C3orf20: variants seen among roughly 807,000 people sequenced by gnomAD.
C3orf20 encodes uncharacterized protein C3orf20.
Under a neutral mutation model 88.3 loss-of-function variants are expected in C3orf20, and 76 were observed. The ratio of observed to expected loss-of-function variants is 0.86; its 90% confidence interval spans 0.72 to 1.04. C3orf20 has a LOEUF of 1.04. C3orf20 is among the 50% of genes least tolerant of loss of function. The probability of loss-of-function intolerance (pLI) is 0.00; values close to 1 mark genes in which losing one functional copy is unlikely to be tolerated. For missense variants in C3orf20, 1,056 were observed against 1,123.3 expected (o/e 0.94, Z 0.86); for synonymous variants, 436 against 437.4 (o/e 1.00, Z 0.04).
intron 10 of C3orf20, among the ~76,000 whole-genome samples, chr3:14,723,534 C>A (rs2034238598): frequency 1.3e-5 from 2 of 152,220 alleles, no homozygotes; most frequent in African/African-American, 4.8e-5. Context: ...AAAGCATGGG[C>A]ACCAATGATC....
At position 14,690,067 on chromosome 3, in the gene C3orf20, C is replaced by G; in HGVS notation, c.696C>G (p.Ala232=). ...AGCTGATCTACCACTCTTCCACAGC[C>G]TGTCTGAGCTTTTCTCTCTCTGCTG... is the stretch of plus-strand genomic sequence containing the variant. The part of the protein sequence containing the change: ...PYQLIYHSST[A]CLSFSLSAGK... The change falls in exon 5 of 17, where the codon GCC becomes GCG. Residue 232 remains alanine (A), a synonymous_variant. Transcript: ENST00000253697. The G allele has an allele frequency of 6.2e-7, 1 of 1,614,218 alleles. No homozygotes were observed. The highest frequency in any genetic ancestry group is 1.1e-5 in the South Asian group (1 of 91,086).
intron 12 of C3orf20, among the ~76,000 whole-genome samples, chr3:14,756,172 C>T (rs1023795683): frequency 1.3e-5 from 2 of 150,470 alleles, no homozygotes; most frequent in African/African-American, 2.4e-5. Context: ...TACTGCCTTT[C>T]GTCATGTTTA....
chr3:14,760,707 T>G (rs1407808475), intron 14 of C3orf20, among the ~76,000 whole-genome samples: 1 of 150,166 alleles, frequency 6.7e-6, no homozygotes, highest in African/African-American at 2.5e-5. Flanking sequence ...CCTCCCGGAT[T>G]CAAGTGATTA....
At chr3:14,724,713 AATAG>A (rs2034287824) in intron 10 of C3orf20, among the ~76,000 whole-genome samples, 1 of 152,246 alleles carries the variant, frequency 6.6e-6, no homozygotes, top group Non-Finnish European at 1.5e-5. Flanking sequence ...GGTTTAAATA[AATAG>A]ATAATTAGAA....
intron 1 of C3orf20, among the ~76,000 whole-genome samples, chr3:14,676,688 A>C (rs1388721868): frequency 6.6e-6 from 1 of 152,190 alleles, no homozygotes; most frequent in Non-Finnish European, 1.5e-5. Context: ...TGGGTCAAAG[A>C]GATGGTCAAT....
intron 10 of C3orf20, among the ~76,000 whole-genome samples, chr3:14,725,630 A>G (rs948693380): frequency 1.3e-5 from 2 of 152,174 alleles, no homozygotes; most frequent in African/African-American, 4.8e-5. Flanking sequence ...GATGGTTGAG[A>G]CTTTGCCATT....
intron 15 of C3orf20, among the ~76,000 whole-genome samples, chr3:14,771,126 A>G (rs944859645): frequency 3.9e-5 from 6 of 152,228 alleles, no homozygotes. Flanking sequence ...GAATGGGATT[A>G]GTGCCCTTAT....
rs1470754231 is a variant in C3orf20, at chr3:14,761,740, G to A, written c.2495+125G>A. The A allele has an allele frequency of 3.2e-5, 30 of 925,106 alleles. 4 individuals carry two copies. The East Asian group carries it at 7.5e-4, about 23-fold the overall frequency. The allele number at this position is 925,106 out of a possible 1,614,324, so 57.3% of individuals were successfully genotyped here. On this transcript the variant is annotated intron_variant, in intron 15 of 16. Transcript: ENST00000253697. Reference sequence around the variant, plus strand: ...GGGCTGAAGGGATGGAGTGGGGAGGGGGGCTGGAGGTGGGAAGCCTCCACC... The same window carrying A: ...GGGCTGAAGGGATGGAGTGGGGAGGAGGGCTGGAGGTGGGAAGCCTCCACC...
intron 12 of C3orf20, among the ~76,000 whole-genome samples, chr3:14,735,989 T>G (rs1489757879): frequency 6.6e-6 from 1 of 152,216 alleles, no homozygotes; most frequent in Admixed American, 6.5e-5. Context: ...TATTCAGATT[T>G]TTAATTTCTT....
intron 15 of C3orf20, among the ~76,000 whole-genome samples, chr3:14,769,371 T>C (rs2125047299): frequency 6.6e-6 from 1 of 151,920 alleles, no homozygotes; most frequent in East Asian, 1.9e-4. Flanking sequence ...GCAGGAGGGC[T>C]GTGGATTTAG....
intron 12 of C3orf20, among the ~76,000 whole-genome samples, chr3:14,749,864 G>A (rs1167760601): frequency 6.6e-6 from 1 of 151,810 alleles, no homozygotes; most frequent in Non-Finnish European, 1.5e-5. Flanking sequence ...AAAGTTATCT[G>A]CTCCCGTACA....
At chr3:14,756,548 A>G (rs774485756) in intron 12 of C3orf20, among the ~76,000 whole-genome samples, 1 of 152,168 alleles carries the variant, frequency 6.6e-6, no homozygotes, top group Non-Finnish European at 1.5e-5. Context: ...GAAGGGAAAG[A>G]GTGTTGGAAG....
At chr3:14,751,632 G>T (rs1575152776) in intron 12 of C3orf20, among the ~76,000 whole-genome samples, 1 of 152,320 alleles carries the variant, frequency 6.6e-6, no homozygotes, top group East Asian at 1.9e-4. Context: ...CTTCAGCAAA[G>T]TCTCAGGATA....
chr3:14,725,869 GAAAA>G (rs34447337), intron 10 of C3orf20, among the ~76,000 whole-genome samples: 2 of 132,498 alleles, frequency 1.5e-5, no homozygotes. Flanking sequence ...CAAAGGCAGT[GAAAA>G]AAAAAAAAAA....
At chr3:14,726,112 C>G (rs916488501) in intron 10 of C3orf20, among the ~76,000 whole-genome samples, 1 of 152,208 alleles carries the variant, frequency 6.6e-6, no homozygotes, top group Non-Finnish European at 1.5e-5. Flanking sequence ...GGAATGGAAC[C>G]AAGTATGTAG....
intron 12 of C3orf20, among the ~76,000 whole-genome samples, chr3:14,743,700 G>A (rs1054204282): frequency 1.3e-5 from 2 of 152,018 alleles, no homozygotes; most frequent in Admixed American, 6.5e-5. Flanking sequence ...TGAAATCTAG[G>A]TGGAGGTTCC....
intron 12 of C3orf20, among the ~76,000 whole-genome samples, chr3:14,732,335 G>C (rs1339138572): frequency 6.6e-6 from 1 of 152,116 alleles, no homozygotes; most frequent in Admixed American, 6.5e-5. Flanking sequence ...AAATTGGATT[G>C]TTTTCTTATT....
At chr3:14,724,437 C>T (rs1017857198) in intron 10 of C3orf20, among the ~76,000 whole-genome samples, 27 of 152,174 alleles carry the variant, frequency 1.8e-4, no homozygotes, top group Admixed American at 1.6e-3. Flanking sequence ...TAGAAAAGCC[C>T]CTAGGAATTC....
intron 9 of C3orf20, among the ~76,000 whole-genome samples, chr3:14,715,664 G>C (rs2033911587): frequency 6.6e-6 from 1 of 152,172 alleles, no homozygotes; most frequent in Non-Finnish European, 1.5e-5. Context: ...TATCCTTCCT[G>C]TGTAATTTTT....
Sources: gnomAD v4.1 joint callset for allele counts (sites outside exome capture counted in the v4.1 genomes callset) on GRCh38, gnomAD v4.1.1 for gene constraint, MANE v1.5 for transcripts, NCBI Gene and HGNC (gene_info 2026-07-23, HGNC 2026-07-21) for gene names.